The following BABAM2 variants were observed in gnomAD, a reference collection of about 807,000 sequenced individuals.
The protein encoded by BABAM2 is BRISC and BRCA1-A complex member 2.
In BABAM2, 31 loss-of-function variants were observed where a neutral mutation model predicts 54.7. The ratio of observed to expected loss-of-function variants is 0.57; its 90% CI spans 0.43 to 0.77. The LOEUF (loss-of-function observed/expected upper bound fraction) is 0.77. BABAM2 is among the 30% of genes least tolerant of loss of function. The pLI is 0.00. For synonymous variants in BABAM2, 167 were observed against 162.9 expected, an observed-to-expected ratio of 1.03 and a Z score of -0.19; for missense variants, 364 against 455.8, an observed-to-expected ratio of 0.80 and a Z score of 1.83.
intron 7 of BABAM2, among the ~76,000 whole-genome samples, chr2:28,208,938 T>C (rs1679172803): frequency 6.6e-6 from 1 of 152,214 alleles, no homozygotes; most frequent in South Asian, 2.1e-4. Flanking sequence ...TCCTTGGAAA[T>C]TGGAAGCATG....
At chr2:27,889,468 A>T (rs1664654570), upstream of BABAM2, among the ~76,000 whole-genome samples, 1 of 152,212 alleles carries the variant, frequency 6.6e-6, no homozygotes, top group African/African-American at 2.4e-5. Context: ...GGAATATCTG[A>T]ATTTATTACT....
At chr2:28,191,906 C>T (rs940969461) in intron 7 of BABAM2, among the ~76,000 whole-genome samples, 1 of 152,000 alleles carries the variant, frequency 6.6e-6, no homozygotes, top group Non-Finnish European at 1.5e-5. Context: ...TTTCTCAAAA[C>T]TATAAAAAAA....
chr2:28,049,443 G>GTTA (rs1355614013), intron 6 of BABAM2, among the ~76,000 whole-genome samples: 2 of 152,128 alleles, frequency 1.3e-5, no homozygotes, highest in East Asian at 3.8e-4. Flanking sequence ...CCTAGCCCAG[G>GTTA]TTAGAAGTAA....
chr2:28,206,800 C>A (rs1678893224), intron 7 of BABAM2, among the ~76,000 whole-genome samples: 1 of 152,142 alleles, frequency 6.6e-6, no homozygotes, highest in East Asian at 1.9e-4. Context: ...TGTGATTTTG[C>A]CAGTGTTTAC....
chr2:28,178,709 T>TA lies in BABAM2; in HGVS notation c.680+49334dup, dbSNP rs397786663. 2.8e-3 allele frequency among the ~76,000 whole-genome samples: 404 copies of TA among 146,192 alleles called. 3 individuals are homozygous for TA. The highest frequency in any genetic ancestry group is 4.7e-3 in the African/African-American group (188 of 39,708). On this transcript the variant is annotated intron_variant, in intron 7 of 11. Coordinates refer to ENST00000379624, the MANE Select transcript of BABAM2 (RefSeq NM_199191.3). ...ACCAATAAAACAAAGGTTTTTTTTT[T>TA]AAAAAGATGAACAGCAGCAAAAAAA...
At chr2:28,334,176 T>C (rs943387226) in intron 11 of BABAM2, among the ~76,000 whole-genome samples, 5 of 152,234 alleles carry the variant, frequency 3.3e-5, no homozygotes, top group Non-Finnish European at 7.3e-5. Context: ...CAGGAAACTT[T>C]AGAACTTTCT....
At chr2:28,141,133 G>A (rs1558377740) in intron 7 of BABAM2, among the ~76,000 whole-genome samples, 1 of 151,990 alleles carries the variant, frequency 6.6e-6, no homozygotes, top group Non-Finnish European at 1.5e-5. Context: ...TATTGCATTG[G>A]GGGTTAGGGC....
At chr2:27,893,819 C>T (rs1013406377) in intron 1 of BABAM2, among the ~76,000 whole-genome samples, 1 of 151,876 alleles carries the variant, frequency 6.6e-6, no homozygotes, top group Non-Finnish European at 1.5e-5. Context: ...CCTGATGAAA[C>T]CCCGTCTCTA....
intron 3 of BABAM2, among the ~76,000 whole-genome samples, chr2:27,958,794 C>T (rs1434959955): frequency 6.6e-6 from 1 of 152,008 alleles, no homozygotes; most frequent in Non-Finnish European, 1.5e-5. Context: ...GGTCTGCCTT[C>T]CTTGGGAGAA....
At chr2:28,270,718 C>G (rs1329769515) in intron 10 of BABAM2, among the ~76,000 whole-genome samples, 1 of 152,200 alleles carries the variant, frequency 6.6e-6, no homozygotes, top group African/African-American at 2.4e-5. Context: ...GAATCCAGAT[C>G]ACACTAATAG....
At chr2:28,214,165 G>A (rs533712156) in intron 7 of BABAM2, among the ~76,000 whole-genome samples, 2 of 152,122 alleles carry the variant, frequency 1.3e-5, no homozygotes, top group Non-Finnish European at 2.9e-5. Flanking sequence ...GCATTCACAT[G>A]TGTGTATGTA....
At chr2:28,225,860 T>G (rs759945840) in intron 7 of BABAM2, among the ~76,000 whole-genome samples, 9 of 152,082 alleles carry the variant, frequency 5.9e-5, no homozygotes, top group South Asian at 2.1e-4. Context: ...CTCTTTTCAT[T>G]TTTGCTAATA....
intron 11 of BABAM2, among the ~76,000 whole-genome samples, chr2:28,314,811 G>C (rs1233897818): frequency 6.6e-6 from 1 of 152,142 alleles, no homozygotes; most frequent in African/African-American, 2.4e-5. Context: ...GCTGAAATTG[G>C]AGGCTGGGTA....
At chr2:28,084,101 A>G (rs1447841356) in intron 6 of BABAM2, among the ~76,000 whole-genome samples, 1 of 152,146 alleles carries the variant, frequency 6.6e-6, no homozygotes, top group Non-Finnish European at 1.5e-5. Context: ...TTCTCACTCC[A>G]GGGTTATGAT....
intron 5 of BABAM2, among the ~76,000 whole-genome samples, chr2:28,030,243 A>G (rs930472233): frequency 6.6e-6 from 1 of 152,186 alleles, no homozygotes; most frequent in African/African-American, 2.4e-5. Flanking sequence ...TCAAGCAGAT[A>G]GTTTGTATTT....
chr2:28,169,775 C>CAA (rs200601294), intron 7 of BABAM2, among the ~76,000 whole-genome samples: 2 of 100,840 alleles, frequency 2.0e-5, no homozygotes, highest in African/African-American at 3.7e-5. Flanking sequence ...GACTCTGTCT[C>CAA]AAAAAAAAAA....
At chr2:28,195,516 C>CT (rs1322990468) in intron 7 of BABAM2, among the ~76,000 whole-genome samples, 1 of 152,196 alleles carries the variant, frequency 6.6e-6, no homozygotes, top group Non-Finnish European at 1.5e-5. Context: ...GTGTAACAAA[C>CT]TCACAGATTC....
chr2:27,953,427 C>T (rs1573250931), intron 3 of BABAM2, among the ~76,000 whole-genome samples: 2 of 152,052 alleles, frequency 1.3e-5, no homozygotes, highest in East Asian at 1.9e-4. Context: ...AAGTGATCCT[C>T]CTGCCTTGGC....
At chr2:28,045,863 A>G in intron 6 of BABAM2, 64 bp downstream of exon 6, 4 of 1,255,080 alleles carry the variant, frequency 3.2e-6, no homozygotes, top group Admixed American at 2.0e-5. Context: ...ATTTAACTCA[A>G]TATTTGTATG....
Sources: gnomAD v4.1 joint callset for allele counts (sites outside exome capture counted in the v4.1 genomes callset) on GRCh38, gnomAD v4.1.1 for gene constraint, MANE v1.5 for transcripts, NCBI Gene and HGNC (gene_info 2026-07-23, HGNC 2026-07-21) for gene names.